The following IMMP2L variants were observed in gnomAD, a reference collection of about 807,000 sequenced individuals.
IMMP2L encodes inner mitochondrial membrane peptidase subunit 2.
In IMMP2L, 18 loss-of-function variants were observed where a neutral mutation model predicts 19.3. The observed-to-expected ratio is 0.93, with a 90% CI of 0.64 to 1.38. The LOEUF (loss-of-function observed/expected upper bound fraction) is 1.38. Ranked by LOEUF, IMMP2L falls within the 40% of genes most tolerant of loss-of-function variation. The pLI is 0.00. For missense variants in IMMP2L, 233 were observed against 218.2 expected, an observed-to-expected ratio of 1.07 and a Z score of -0.43; for synonymous variants, 76 against 73.0, an observed-to-expected ratio of 1.04 and a Z score of -0.21.
chr7:111,009,495 T>C (rs1221719335), intron 3 of IMMP2L, among the ~76,000 whole-genome samples: 1 of 151,930 alleles, frequency 6.6e-6, no homozygotes, highest in Non-Finnish European at 1.5e-5. Context: ...AACAGGCACA[T>C]AAAAAAATGC....
At chr7:110,690,707 T>C (rs1793433257) in intron 5 of IMMP2L, among the ~76,000 whole-genome samples, 1 of 151,988 alleles carries the variant, frequency 6.6e-6, no homozygotes, top group African/African-American at 2.4e-5. Context: ...ACTTTTATAA[T>C]TGCTGTAAAA....
intron 3 of IMMP2L, among the ~76,000 whole-genome samples, chr7:111,022,218 G>T (rs543199800): frequency 6.6e-6 from 1 of 152,294 alleles, no homozygotes; most frequent in South Asian, 2.1e-4. Flanking sequence ...GTATGGGGGA[G>T]TCATGGGCTT....
chr7:111,186,596 T>C (rs76529759), intron 3 of IMMP2L, among the ~76,000 whole-genome samples: 134 of 152,016 alleles, frequency 8.8e-4, no homozygotes, highest in African/African-American at 3.2e-3. Context: ...GCCTGGCTAA[T>C]TTTTTTGTAT....
chr7:111,412,489 A>G lies in IMMP2L; in HGVS notation c.239+74749T>C, dbSNP rs139801449. 3.2e-4 allele frequency among the ~76,000 whole-genome samples: 49 copies of G among 152,092 alleles called. 1 individual carries two copies. In the East Asian group the frequency reaches 8.9e-3, roughly 28 times the overall value. On this transcript the variant is annotated intron_variant, in intron 3 of 5. Coordinates refer to ENST00000405709, the MANE Select transcript of IMMP2L (RefSeq NM_032549.4). ...TTAAAACGGAAATCAATTAAGGAAC[A>G]AGTCCTGAAATATCTGGAAGTCAAA... is the stretch of plus-strand genomic sequence containing the variant.
chr7:111,184,508 CCCTTG>C (rs1256175290), intron 3 of IMMP2L, among the ~76,000 whole-genome samples: 4 of 152,056 alleles, frequency 2.6e-5, no homozygotes, highest in African/African-American at 4.8e-5. Context: ...AAAGGAACTT[CCCTTG>C]CCTTTTTCTT....
At chr7:111,072,225 C>T (rs1398141690) in intron 3 of IMMP2L, among the ~76,000 whole-genome samples, 1 of 152,162 alleles carries the variant, frequency 6.6e-6, no homozygotes, top group Non-Finnish European at 1.5e-5. Flanking sequence ...CATTTTACAA[C>T]ATCATAATAG....
In IMMP2L at chr7:110,944,513, G is replaced by C. The variant is rs528847468; in HGVS notation, c.305+18987C>G. Among the ~76,000 whole-genome samples the C allele has an allele frequency of 7.4e-4, 113 of 152,054 alleles. 1 individual carries two copies. Among genetic ancestry groups the C allele is most frequent in the Admixed American group, 3.0e-3 (46 of 15,132 alleles). On this transcript the variant is annotated intron_variant, in intron 4 of 5. Coordinates refer to ENST00000405709, the MANE Select transcript of IMMP2L (RefSeq NM_032549.4). ...TGTGTGTGTAAAACAGAGAGAGACA[G>C]AGAGAGAATGAGAATGTAGGCAGGG...
chr7:110,846,408 C>A (rs1290839851), intron 5 of IMMP2L, among the ~76,000 whole-genome samples: 2 of 150,636 alleles, frequency 1.3e-5, no homozygotes, highest in Non-Finnish European at 3.0e-5. Flanking sequence ...CTTCGTCACC[C>A]AGGCTGGAGT....
At chr7:111,029,228 T>C (rs1292643390) in intron 3 of IMMP2L, among the ~76,000 whole-genome samples, 1 of 152,114 alleles carries the variant, frequency 6.6e-6, no homozygotes, top group Non-Finnish European at 1.5e-5. Context: ...GTTTAACAGC[T>C]TTCATGGGAC....
chr7:111,480,141 T>G (rs1295262946), intron 3 of IMMP2L, among the ~76,000 whole-genome samples: 1 of 151,362 alleles, frequency 6.6e-6, no homozygotes, highest in Admixed American at 6.6e-5. Context: ...TGGAGTGCAG[T>G]GGCGCAATCT....
intron 3 of IMMP2L, among the ~76,000 whole-genome samples, chr7:110,967,843 A>T (rs1819715294): frequency 6.6e-6 from 1 of 152,104 alleles, no homozygotes; most frequent in African/African-American, 2.4e-5. Context: ...AAGTCCACTC[A>T]ACACAATGAT....
At chr7:111,451,624 AG>A (rs1839194885) in intron 3 of IMMP2L, among the ~76,000 whole-genome samples, 2 of 149,502 alleles carry the variant, frequency 1.3e-5, no homozygotes, top group South Asian at 2.2e-4. Context: ...ATGACGAGTT[AG>A]GGGGTGCAGC....
intron 3 of IMMP2L, among the ~76,000 whole-genome samples, chr7:111,242,437 A>G (rs1165792792): frequency 3.9e-5 from 6 of 152,144 alleles, no homozygotes; most frequent in Admixed American, 6.6e-5. Flanking sequence ...CCAGAGCACA[A>G]AAGAGAACTA....
chr7:111,197,635 A>T (rs1809653179), intron 3 of IMMP2L, among the ~76,000 whole-genome samples: 1 of 152,196 alleles, frequency 6.6e-6, no homozygotes, highest in Non-Finnish European at 1.5e-5. Context: ...ACCATCTGTC[A>T]TCAGTTAAGG....
At chr7:110,951,978 T>C (rs1817877033) in intron 4 of IMMP2L, among the ~76,000 whole-genome samples, 1 of 152,102 alleles carries the variant, frequency 6.6e-6, no homozygotes, top group Non-Finnish European at 1.5e-5. Context: ...TTCTTAATAT[T>C]AAGTAACTGT....
chr7:111,507,444 T>C (rs1008094736), intron 2 of IMMP2L, among the ~76,000 whole-genome samples: 7 of 152,162 alleles, frequency 4.6e-5, no homozygotes, highest in African/African-American at 1.7e-4. Context: ...TTCTTACAGT[T>C]CACATTTTTA....
intron 3 of IMMP2L, among the ~76,000 whole-genome samples, chr7:111,428,054 A>C (rs1380625670): frequency 6.6e-6 from 1 of 151,704 alleles, no homozygotes. Flanking sequence ...GTAGCAACAC[A>C]CTCATGCTGT....
chr7:110,998,560 C>A (rs74687531), intron 3 of IMMP2L, among the ~76,000 whole-genome samples: 1 of 152,208 alleles, frequency 6.6e-6, no homozygotes, highest in Non-Finnish European at 1.5e-5. Context: ...GCAATATGTA[C>A]GCTGCTCTTT....
At chr7:111,325,613 C>T (rs190052118) in intron 3 of IMMP2L, among the ~76,000 whole-genome samples, 3 of 151,324 alleles carry the variant, frequency 2.0e-5, no homozygotes, top group African/African-American at 7.3e-5. Context: ...CTTCTGTAAT[C>T]GAGCCCTTCA....
Sources: allele counts gnomAD v4.1 joint callset (sites outside exome capture counted in the v4.1 genomes callset), GRCh38; gene constraint gnomAD v4.1.1; transcripts MANE v1.5; gene names NCBI Gene and HGNC (gene_info 2026-07-23, HGNC 2026-07-21).